TMEM266: variants seen among roughly 807,000 people sequenced by gnomAD.
The protein encoded by TMEM266 is transmembrane protein 266.
In TMEM266, 33 loss-of-function variants were observed where a neutral mutation model predicts 50.5. The observed-to-expected ratio is 0.65, with a 90% CI of 0.50 to 0.87. The LOEUF (loss-of-function observed/expected upper bound fraction) is 0.87. TMEM266 is among the 40% of genes least tolerant of loss of function. The probability of loss-of-function intolerance (pLI) is 0.00; values close to 1 mark genes in which losing one functional copy is unlikely to be tolerated. For synonymous variants in TMEM266, 310 were observed against 292.3 expected, an observed-to-expected ratio of 1.06 and a Z score of -0.62; for missense variants, 655 against 695.1, an observed-to-expected ratio of 0.94 and a Z score of 0.65.
intron 1 of TMEM266, among the ~76,000 whole-genome samples, chr15:76,111,375 C>T (rs2037168500): frequency 6.6e-6 from 1 of 151,954 alleles, no homozygotes; most frequent in South Asian, 2.1e-4. Flanking sequence ...TGTACCCGGC[C>T]CAGCCATATA....
At chr15:76,188,069 G>C (rs1470470912) in intron 8 of TMEM266, among the ~76,000 whole-genome samples, 2 of 152,094 alleles carry the variant, frequency 1.3e-5, no homozygotes, top group Non-Finnish European at 2.9e-5. Flanking sequence ...AGCCATGCTA[G>C]GAGTATGCCT....
chr15:76,070,941 C>T (rs2141983766), intron 1 of TMEM266, among the ~76,000 whole-genome samples: 1 of 152,314 alleles, frequency 6.6e-6, no homozygotes, highest in East Asian at 1.9e-4. Context: ...GAGGAAAGTG[C>T]TCAGTCAGTG....
At chr15:76,122,262 G>A (rs1596118229) in intron 1 of TMEM266, among the ~76,000 whole-genome samples, 2 of 152,256 alleles carry the variant, frequency 1.3e-5, no homozygotes, top group South Asian at 4.1e-4. Flanking sequence ...TTTCATGTTT[G>A]CTTACCATCT....
chr15:76,123,603 G>T (rs1352563325), intron 1 of TMEM266, among the ~76,000 whole-genome samples: 1 of 152,164 alleles, frequency 6.6e-6, no homozygotes, highest in Admixed American at 6.5e-5. Context: ...TCCAAACCTG[G>T]TCTAGCATAC....
At chr15:76,177,626 C>T (rs1208929012) in intron 8 of TMEM266, among the ~76,000 whole-genome samples, 1 of 152,246 alleles carries the variant, frequency 6.6e-6, no homozygotes, top group Non-Finnish European at 1.5e-5. Flanking sequence ...CTCAGGGGCA[C>T]GTTGTCCAAG....
chr15:76,191,695 TTG>T (rs1469536975), intron 8 of TMEM266: 4 of 397,844 alleles, frequency 1.0e-5, no homozygotes, highest in Non-Finnish European at 1.8e-5. Flanking sequence ...AGGAAACACG[TTG>T]TGTTTCCTCT....
At chr15:76,101,848 G>C (rs942037701) in intron 1 of TMEM266, among the ~76,000 whole-genome samples, 1 of 152,200 alleles carries the variant, frequency 6.6e-6, no homozygotes, top group Non-Finnish European at 1.5e-5. Context: ...ACAGGTTGGG[G>C]GTAGATGCTC....
chr15:76,204,068 AC>A lies in TMEM266; in HGVS notation c.1353del (p.Cys452AlafsTer31). On this transcript the variant is annotated frameshift_variant, in exon 11 of 11. Transcript: ENST00000388942. LOFTEE classifies it high-confidence loss of function. ...GACCTGCTGTCCTCCCTGTCGGAGG[AC>A]CCCTGCCCTTCCCAGAAGGCCTTGG... 6.2e-7 allele frequency: 1 copy of A among 1,610,890 alleles called. No individual in the cohort carries two copies. The highest frequency in any genetic ancestry group is 8.5e-7 in the Non-Finnish European group (1 of 1,178,812).
chr15:76,119,049 C>G (rs868145776), intron 1 of TMEM266, among the ~76,000 whole-genome samples: 1 of 152,160 alleles, frequency 6.6e-6, no homozygotes, highest in African/African-American at 2.4e-5. Flanking sequence ...AGACTGACTT[C>G]CCTGGGAATG....
At position 76,199,783 on chromosome 15, in the gene TMEM266, C is replaced by G. The variant is rs2038714998; in HGVS notation, c.959-2419C>G. On this transcript the variant is annotated intron_variant, in intron 9 of 10. Transcript: ENST00000388942. The stretch of plus-strand genomic sequence containing the variant: ...ACTAGTCCCTCCCTCCCATTCTGGT[C>G]ACAGCTGGAGCCCATAGTGAAACGT... Among the ~76,000 whole-genome samples the G allele has an allele frequency of 1.8e-5, 2 of 108,280 alleles. 1 individual carries two copies. The highest frequency in any genetic ancestry group is 6.1e-4 in the South Asian group (2 of 3,266). 71.0% of individuals were successfully genotyped at this position (108,280 alleles called of 152,430 possible).
chr15:76,133,693 C>T (rs962909439), intron 1 of TMEM266, among the ~76,000 whole-genome samples: 4 of 151,830 alleles, frequency 2.6e-5, no homozygotes, highest in Non-Finnish European at 4.4e-5. Context: ...TCTCCGCTCT[C>T]GGAATGAGCT....
chr15:76,195,199 C>T (rs961879261), intron 9 of TMEM266, among the ~76,000 whole-genome samples: 3 of 152,188 alleles, frequency 2.0e-5, no homozygotes, highest in Admixed American at 6.5e-5. Context: ...CTCCCAGGTC[C>T]GGATCCTGCC....
chr15:76,090,646 G>C (rs2036836296), intron 1 of TMEM266, among the ~76,000 whole-genome samples: 1 of 152,146 alleles, frequency 6.6e-6, no homozygotes, highest in African/African-American at 2.4e-5. Flanking sequence ...TATCAACAGT[G>C]TCAAATTCTA....
At chr15:76,167,201 T>C (rs1039362640) in intron 5 of TMEM266, among the ~76,000 whole-genome samples, 2 of 152,116 alleles carry the variant, frequency 1.3e-5, no homozygotes, top group African/African-American at 2.4e-5. Flanking sequence ...CTGGGCGCGG[T>C]GGCTCATGCC....
intron 1 of TMEM266, among the ~76,000 whole-genome samples, chr15:76,083,731 C>T (rs1162017909): frequency 6.6e-6 from 1 of 152,134 alleles, no homozygotes; most frequent in Non-Finnish European, 1.5e-5. Flanking sequence ...TCTGCCCTAC[C>T]GTAAGCCTCA....
Position 76,191,973 on chromosome 15 carries a change from G to A in TMEM266, c.774G>A (p.Glu258=). 6.3e-7 allele frequency: 1 copy of A among 1,582,726 alleles called. No homozygotes were observed. Among genetic ancestry groups the A allele is most frequent in the Non-Finnish European group, 8.6e-7 (1 of 1,169,512 alleles). ...TTGCCCGTCTCCCTCCGCAGTTTGA[G>A]ATCCGGCAGCTGCGCGCGCACCTGG... The change falls in exon 9 of 11, where the codon GAG becomes GAA. Residue 258 remains glutamate, a synonymous_variant. Coordinates refer to ENST00000388942, the MANE Select transcript of TMEM266 (RefSeq NM_152335.3).
chr15:76,156,794 T>C, intron 4 of TMEM266, 36 bp downstream of exon 4: 2 of 1,601,272 alleles, frequency 1.2e-6, no homozygotes, highest in East Asian at 2.2e-5. Flanking sequence ...CCAATACATA[T>C]GATGTCAATA....
intron 7 of TMEM266, among the ~76,000 whole-genome samples, chr15:76,171,973 C>G (rs547406723): frequency 9.9e-5 from 15 of 152,246 alleles, no homozygotes; most frequent in Admixed American, 4.6e-4. Context: ...CTGAAGTCAT[C>G]TTATGGAAGG....
chr15:76,152,623 C>T (rs2037861394), intron 3 of TMEM266, among the ~76,000 whole-genome samples: 1 of 152,154 alleles, frequency 6.6e-6, no homozygotes, highest in Admixed American at 6.6e-5. Flanking sequence ...CAGAAACAGT[C>T]CCTATTTAGT....
Sources: gnomAD v4.1 joint callset for allele counts (sites outside exome capture counted in the v4.1 genomes callset) on GRCh38, gnomAD v4.1.1 for gene constraint, MANE v1.5 for transcripts, NCBI Gene and HGNC (gene_info 2026-07-23, HGNC 2026-07-21) for gene names.